Variants in KIAA1217 observed in about 807,000 individuals in gnomAD.
The protein encoded by KIAA1217 is KIAA1217, also known as sickle tail protein homolog.
KIAA1217 carries 88 observed loss-of-function variants against 163.9 expected under a neutral mutation model. That is an observed-to-expected ratio of 0.54 (90% CI 0.45 to 0.64). The LOEUF (loss-of-function observed/expected upper bound fraction) is 0.64, where lower values mean the gene tolerates loss of function less well. Among genes scored for constraint, KIAA1217 ranks in the 30% least tolerant of loss-of-function variants. The pLI is 0.00. For missense variants in KIAA1217, 2,372 were observed against 2,475.0 expected (o/e 0.96, Z 0.88); for synonymous variants, 903 against 923.1 (o/e 0.98, Z 0.39).
At chr10:24,402,259 CA>C (rs1459113896) in intron 3 of KIAA1217, among the ~76,000 whole-genome samples, 1 of 152,158 alleles carries the variant, frequency 6.6e-6, no homozygotes, top group Non-Finnish European at 1.5e-5. Flanking sequence ...GTAATCCCAG[CA>C]CTTTGGGAGG....
intron 2 of KIAA1217, among the ~76,000 whole-genome samples, chr10:24,155,542 C>T (rs568834731): frequency 7.1e-4 from 108 of 152,200 alleles, no homozygotes; most frequent in African/African-American, 2.4e-3. Flanking sequence ...TGTCAGGGGC[C>T]GGGTGCAGTG....
chr10:24,152,199 A>G (rs927858069), intron 2 of KIAA1217, among the ~76,000 whole-genome samples: 1 of 152,176 alleles, frequency 6.6e-6, no homozygotes, highest in African/African-American at 2.4e-5. Flanking sequence ...CAGCGAGCAT[A>G]TGATTTTTTC....
At chr10:24,264,762 TCTTTCTC>T (rs2076049575) in intron 2 of KIAA1217, among the ~76,000 whole-genome samples, 2 of 100,496 alleles carry the variant, frequency 2.0e-5, no homozygotes, top group Non-Finnish European at 4.0e-5. Context: ...GGTCGGTCGG[TCTTTCTC>T]TCTCTCTCTC....
chr10:24,026,549 A>G (rs1847945684), intron 2 of KIAA1217, among the ~76,000 whole-genome samples: 1 of 151,810 alleles, frequency 6.6e-6, no homozygotes, highest in Admixed American at 6.6e-5. Flanking sequence ...TTATTGGTAT[A>G]AAGCTATTCA....
At position 24,547,583 on chromosome 10, in the gene KIAA1217, C is replaced by T. The variant is rs1423587959; in HGVS notation, c.*1259C>T. The stretch of plus-strand genomic sequence containing the variant: ...GTTTTTCCGCTTTGAGGGATGTAAC[C>T]ACATCCACTCAGAGGACACTACTTT... On this transcript the variant is annotated 3_prime_UTR_variant, in exon 21 of 21. Coordinates refer to ENST00000376454, the MANE Select transcript of KIAA1217 (RefSeq NM_019590.5). 6.6e-6 allele frequency: 1 copy of T among 152,134 alleles called. No individual in the cohort carries two copies. The highest frequency in any genetic ancestry group is 1.5e-5 in the Non-Finnish European group (1 of 68,032). 9.4% of individuals were successfully genotyped at this position (152,134 alleles called of 1,614,324 possible). A position where few individuals can be genotyped will look rare whatever the true frequency, so the allele number is the denominator to read the frequency against.
At chr10:23,842,928 A>G (rs1306870119) in intron 1 of KIAA1217, among the ~76,000 whole-genome samples, 1 of 152,198 alleles carries the variant, frequency 6.6e-6, no homozygotes, top group African/African-American at 2.4e-5. Flanking sequence ...GAAAATTTCA[A>G]GAAATGTTTA....
intron 10 of KIAA1217, among the ~76,000 whole-genome samples, chr10:24,518,850 G>T (rs1295898514): frequency 6.6e-6 from 1 of 152,130 alleles, no homozygotes; most frequent in South Asian, 2.1e-4. Context: ...TTCTCCCTCT[G>T]GTCCTGAAGT....
intron 2 of KIAA1217, chr10:24,239,325 G>C (rs1274073331): frequency 2.0e-6 from 2 of 984,170 alleles, no homozygotes; most frequent in Non-Finnish European, 2.4e-6. Flanking sequence ...CACCTGTGGA[G>C]CTCTGGGTAC....
At chr10:24,205,569 C>G (rs996133679), upstream of KIAA1217, among the ~76,000 whole-genome samples, 4 of 151,718 alleles carry the variant, frequency 2.6e-5, no homozygotes, top group Non-Finnish European at 5.9e-5. Flanking sequence ...GTCAGGAGAT[C>G]GAGACCATTC....
At chr10:24,154,114 C>A (rs185379465) in intron 2 of KIAA1217, among the ~76,000 whole-genome samples, 1 of 151,496 alleles carries the variant, frequency 6.6e-6, no homozygotes, top group African/African-American at 2.4e-5. Context: ...CCCGCCACTA[C>A]GCCCGGCTAA....
intron 1 of KIAA1217, among the ~76,000 whole-genome samples, chr10:23,736,692 T>TA (rs973172672): frequency 8.1e-4 from 123 of 152,042 alleles, no homozygotes; most frequent in Middle Eastern, 3.4e-3. Context: ...CTGGCTAATT[T>TA]AAAAAAAAAT....
chr10:23,854,897 C>A lies in KIAA1217; in HGVS notation c.-320-152328C>A, dbSNP rs532063465. Among the ~76,000 whole-genome samples the A allele has an allele frequency of 1.9e-3, 296 of 152,220 alleles. 1 individual carries two copies. Among genetic ancestry groups the A allele is most frequent in the African/African-American group, 6.7e-3 (278 of 41,510 alleles). ...TCTTCCTCCATCCTTTTATTTTGAG[C>A]CTATGTGTGTCTCTGCACATGAGAT... On this transcript the variant is annotated intron_variant, in intron 1 of 18. Coordinates refer to the KIAA1217 transcript ENST00000376462.
chr10:24,545,186 C>G, intron 20 of KIAA1217, 83 bp downstream of exon 20: 1 of 1,571,016 alleles, frequency 6.4e-7, no homozygotes, highest in Non-Finnish European at 8.7e-7. Flanking sequence ...AAATATTGTG[C>G]TTTCTTTGTA....
rs549879003 is a variant in KIAA1217, at chr10:24,538,125, C to T, written c.3534+1232C>T. Among the ~76,000 whole-genome samples the T allele has an allele frequency of 8.5e-5, 13 of 152,300 alleles. No individual in the cohort carries two copies. The East Asian group carries it at 1.4e-3, about 16-fold the overall frequency. On this transcript the variant is annotated intron_variant, in intron 17 of 20. Transcript: ENST00000376454. Reference sequence around the variant, plus strand: ...ACAGATGGGTACCTCAGTCCATGTACGACAGCTCAAGGAGGTAGATGTAGT... The same window carrying T: ...ACAGATGGGTACCTCAGTCCATGTATGACAGCTCAAGGAGGTAGATGTAGT...
intron 2 of KIAA1217, among the ~76,000 whole-genome samples, chr10:24,059,679 G>A (rs185378492): frequency 3.9e-5 from 6 of 152,126 alleles, no homozygotes; most frequent in African/African-American, 7.2e-5. Flanking sequence ...TCGGGTTCAC[G>A]CCATTGTCTT....
At chr10:23,934,054 C>A (rs1843368767) in intron 1 of KIAA1217, among the ~76,000 whole-genome samples, 1 of 152,140 alleles carries the variant, frequency 6.6e-6, no homozygotes, top group Non-Finnish European at 1.5e-5. Context: ...ACTCAAAGAA[C>A]TATAAATCAT....
intron 1 of KIAA1217, among the ~76,000 whole-genome samples, chr10:24,216,414 G>A (rs559223804): frequency 5.9e-5 from 9 of 152,182 alleles, no homozygotes; most frequent in Non-Finnish European, 1.2e-4. Flanking sequence ...ATGTGTGTAT[G>A]CCTGCATAAG....
intron 2 of KIAA1217, among the ~76,000 whole-genome samples, chr10:24,257,531 A>G (rs539287425): frequency 6.6e-6 from 1 of 152,204 alleles, no homozygotes; most frequent in African/African-American, 2.4e-5. Context: ...TTTTAGTTGC[A>G]TTACCACCTA....
intron 1 of KIAA1217, among the ~76,000 whole-genome samples, chr10:24,003,517 C>G (rs1277273298): frequency 6.6e-6 from 1 of 152,084 alleles, no homozygotes; most frequent in African/African-American, 2.4e-5. Flanking sequence ...TGAATATCAT[C>G]AACTGTTTCA....
Sources: gnomAD v4.1 joint callset for allele counts (sites outside exome capture counted in the v4.1 genomes callset) on GRCh38, gnomAD v4.1.1 for gene constraint, MANE v1.5 for transcripts, NCBI Gene and HGNC (gene_info 2026-07-23, HGNC 2026-07-21) for gene names.